The following GBE1 variants were observed in gnomAD, a reference collection of about 807,000 sequenced individuals.
The protein encoded by GBE1 is 1,4-alpha-glucan branching enzyme 1.
A neutral mutation model predicts 88.8 loss-of-function variants in GBE1; 70 were observed. The ratio of observed to expected loss-of-function variants is 0.79; its 90% CI spans 0.65 to 0.96. GBE1 has a LOEUF of 0.96. GBE1 is among the 40% of genes least tolerant of loss of function. The pLI, the probability that GBE1 is intolerant of heterozygous loss-of-function variation, is 0.00. For synonymous variants in GBE1, 284 were observed against 300.1 expected (o/e 0.95, Z 0.56); for missense variants, 872 against 871.0 (o/e 1.00, Z -0.01).
At chr3:81,510,387 A>C (rs1702708941) in intron 14 of GBE1, among the ~76,000 whole-genome samples, 1 of 152,102 alleles carries the variant, frequency 6.6e-6, no homozygotes, top group Non-Finnish European at 1.5e-5. Flanking sequence ...TTTCTCTTTT[A>C]AGACTAGATA....
chr3:81,539,173 G>A (rs1306743580), intron 12 of GBE1, among the ~76,000 whole-genome samples: 1 of 152,014 alleles, frequency 6.6e-6, no homozygotes. Flanking sequence ...AACCCAGTTA[G>A]TCTGGTTTCA....
At chr3:81,536,856 C>T in intron 13 of GBE1, 55 bp downstream of exon 13, 1 of 1,357,414 alleles carries the variant, frequency 7.4e-7, no homozygotes, top group African/African-American at 1.5e-5. Flanking sequence ...GGTTGCCATT[C>T]TAGGCATGTA....
chr3:81,529,220 C>A (rs542522739), intron 14 of GBE1, among the ~76,000 whole-genome samples: 35 of 152,066 alleles, frequency 2.3e-4, no homozygotes, highest in Non-Finnish European at 4.1e-4. Flanking sequence ...AACAAACAAG[C>A]AAAGAGAAAA....
intron 7 of GBE1, among the ~76,000 whole-genome samples, chr3:81,603,377 T>A (rs1704058876): frequency 6.6e-6 from 1 of 152,152 alleles, no homozygotes; most frequent in South Asian, 2.1e-4. Context: ...GAAAATTATG[T>A]TCTAGCCAAT....
At chr3:81,595,353 AG>A (rs1164089072) in intron 7 of GBE1, among the ~76,000 whole-genome samples, 1 of 151,834 alleles carries the variant, frequency 6.6e-6, no homozygotes, top group African/African-American at 2.4e-5. Flanking sequence ...TATTTTGCAT[AG>A]GAATTTTCAT....
intron 3 of GBE1, among the ~76,000 whole-genome samples, chr3:81,664,328 G>A (rs1327039122): frequency 6.6e-6 from 1 of 151,806 alleles, no homozygotes; most frequent in African/African-American, 2.4e-5. Context: ...AGTGGAATAA[G>A]GTTCACATGA....
chr3:81,616,738 C>T (rs755581154), intron 7 of GBE1, among the ~76,000 whole-genome samples: 1 of 151,998 alleles, frequency 6.6e-6, no homozygotes, highest in South Asian at 2.1e-4. Context: ...AAATGTCTTC[C>T]AAGAATTTGA....
intron 14 of GBE1, among the ~76,000 whole-genome samples, chr3:81,534,396 G>T (rs1353461149): frequency 6.6e-6 from 1 of 151,968 alleles, no homozygotes; most frequent in Non-Finnish European, 1.5e-5. Context: ...TGTCACAGAG[G>T]TGTTCAGTAA....
intron 14 of GBE1, among the ~76,000 whole-genome samples, chr3:81,502,156 T>G (rs542176138): frequency 6.6e-6 from 1 of 152,242 alleles, no homozygotes; most frequent in East Asian, 1.9e-4. Context: ...AAGTACAGAC[T>G]GAGCTTCACA....
At chr3:81,670,267 G>A (rs1705171458) in intron 3 of GBE1, among the ~76,000 whole-genome samples, 1 of 152,310 alleles carries the variant, frequency 6.6e-6, no homozygotes, top group Middle Eastern at 3.4e-3. Context: ...AGCAGAGGGA[G>A]TGTGGAGGAC....
intron 1 of GBE1, among the ~76,000 whole-genome samples, chr3:81,758,789 C>T (rs1706637805): frequency 6.6e-6 from 1 of 152,164 alleles, no homozygotes. Context: ...ATCCTCTACA[C>T]TTGATTCAAA....
chr3:81,559,217 A>G (rs1376196739), intron 12 of GBE1, among the ~76,000 whole-genome samples: 2 of 152,046 alleles, frequency 1.3e-5, no homozygotes, highest in South Asian at 2.1e-4. Flanking sequence ...GTAAAATGCG[A>G]ATGCCTAGGC....
chr3:81,523,485 G>A (rs1702900713), intron 14 of GBE1, among the ~76,000 whole-genome samples: 1 of 151,268 alleles, frequency 6.6e-6, no homozygotes. Context: ...TCCTTTTTTT[G>A]TGTTACAAAC....
chr3:81,656,306 G>A (rs1704937993), intron 3 of GBE1, among the ~76,000 whole-genome samples: 1 of 152,164 alleles, frequency 6.6e-6, no homozygotes, highest in South Asian at 2.1e-4. Flanking sequence ...TTTACATATA[G>A]AAGAGGAGAA....
At chr3:81,747,928 C>G (rs1191947242) in intron 1 of GBE1, among the ~76,000 whole-genome samples, 1 of 152,198 alleles carries the variant, frequency 6.6e-6, no homozygotes, top group African/African-American at 2.4e-5. Flanking sequence ...GTGAAATAAA[C>G]AGCTTTATTG....
rs368451860 is a variant in GBE1, at chr3:81,738,453, C to T, written c.143+22922G>A. On this transcript the variant is annotated intron_variant, in intron 1 of 15. Coordinates refer to ENST00000429644, the MANE Select transcript of GBE1 (RefSeq NM_000158.4). ...TTTTAATGACTGCCATTCTAACAGG[C>T]GTGAGATGGTATCTCATTGTGGTTT... 3.9e-5 allele frequency among the ~76,000 whole-genome samples: 6 copies of T among 151,972 alleles called. No individual in the cohort carries two copies. The East Asian group carries it at 5.8e-4, about 15-fold the overall frequency.
chr3:81,761,393 G>T lies in GBE1; in HGVS notation c.125C>A (p.Ala42Asp). 6.2e-7 allele frequency: 1 copy of T among 1,612,596 alleles called. No homozygotes were observed. The highest frequency in any genetic ancestry group is 8.5e-7 in the Non-Finnish European group (1 of 1,179,058). ...LEIDPYLKPY[A>D]VDFQRRYKQF... is the part of the protein sequence containing the mutation. ...GCGGTACCTGCGCTGGAAGTCCACG[G>T]CGTAGGGCTTCAAGTACGGGTCGAT... The change falls in exon 1 of 16, where the codon GCC becomes GAC. Residue 42 changes from alanine to aspartate, a missense_variant. By Grantham distance (126) the Ala-to-Asp change is moderately radical. Coordinates refer to ENST00000429644, the MANE Select transcript of GBE1 (RefSeq NM_000158.4).
chr3:81,524,548 G>T (rs1702918776), intron 14 of GBE1, among the ~76,000 whole-genome samples: 1 of 151,508 alleles, frequency 6.6e-6, no homozygotes, highest in Non-Finnish European at 1.5e-5. Flanking sequence ...CTATGTCTAA[G>T]ATTTCAGTCT....
intron 7 of GBE1, among the ~76,000 whole-genome samples, chr3:81,624,698 A>G (rs987274721): frequency 6.6e-6 from 1 of 152,150 alleles, no homozygotes; most frequent in African/African-American, 2.4e-5. Context: ...AAAATAACCT[A>G]GTAGATATTT....
Sources: gnomAD v4.1 joint callset for allele counts (sites outside exome capture counted in the v4.1 genomes callset) on GRCh38, gnomAD v4.1.1 for gene constraint, MANE v1.5 for transcripts, NCBI Gene and HGNC (gene_info 2026-07-23, HGNC 2026-07-21) for gene names.